Variants in PIBF1 observed in about 807,000 individuals in gnomAD.
PIBF1 encodes the protein progesterone immunomodulatory binding factor 1.
PIBF1 carries 90 observed loss-of-function variants against 112.5 expected under a neutral mutation model. The observed-to-expected ratio is 0.80, with a 90% CI of 0.67 to 0.95. The LOEUF is 0.95. Ranked by LOEUF, PIBF1 falls within the 40% of genes least tolerant of loss-of-function variation. PIBF1 has a pLI of 0.00. For missense variants in PIBF1, 915 were observed against 852.3 expected (o/e 1.07, Z -0.92); for synonymous variants, 301 against 288.6 (o/e 1.04, Z -0.44).
At chr13:72,830,133 G>T (rs1161870300) in intron 8 of PIBF1, among the ~76,000 whole-genome samples, 2 of 152,172 alleles carry the variant, frequency 1.3e-5, no homozygotes, top group African/African-American at 4.8e-5. Flanking sequence ...TTTGTATCCT[G>T]AGACTTTGCT....
intron 11 of PIBF1, among the ~76,000 whole-genome samples, chr13:72,901,710 A>G (rs2040492712): frequency 6.6e-6 from 1 of 151,698 alleles, no homozygotes. Flanking sequence ...ACCAACCAGT[A>G]GATGTTGGCA....
chr13:72,868,828 TAA>T (rs56290400), intron 10 of PIBF1, among the ~76,000 whole-genome samples: 58,762 of 114,398 alleles, frequency 0.51, 14,334 homozygotes, highest in South Asian at 0.69. Flanking sequence ...TCCCAAAAAG[TAA>T]AAAAAAAAAA....
chr13:72,798,438 T>G (rs2035305052), intron 5 of PIBF1, among the ~76,000 whole-genome samples: 1 of 152,224 alleles, frequency 6.6e-6, no homozygotes, highest in African/African-American at 2.4e-5. Context: ...ATGCAGGGGA[T>G]CTCTTGCAGG....
chr13:73,015,872 A>G lies in PIBF1; in HGVS notation c.2227A>G (p.Lys743Glu), dbSNP rs764979806. The G allele has an allele frequency of 5.7e-6, 9 of 1,572,778 alleles. No individual in the cohort carries two copies. The Admixed American group carries it at 7.2e-5, about 13-fold the overall frequency. The change falls in exon 18 of 18, where the codon AAA (lysine) becomes GAA (glutamate). Residue 743 changes from lysine to glutamate, a missense_variant. By Grantham distance (56) the Lys-to-Glu change is moderately conservative. Transcript: ENST00000326291. ...TTCTTTTTCTTTTTTTAAACAGACT[A>G]AAAAAGAAGCACCTGAGTGGTCTAA... ...IFTPKPTLFT[K>E]KEAPEWSKKQ...
chr13:72,827,725 G>A lies in PIBF1; in HGVS notation c.916-8G>A. ...CTGTGGATACTTTTTGTTTCTACATGTATGTAGGTAGTCACCTTAGAGCAA... is the reference window on the plus strand; with the variant it reads ...CTGTGGATACTTTTTGTTTCTACATATATGTAGGTAGTCACCTTAGAGCAA... On this transcript the variant is annotated splice_region_variant and splice_polypyrimidine_tract_variant and intron_variant, in intron 7 of 17. Transcript: ENST00000326291. 8.0e-6 allele frequency: 12 copies of A among 1,496,524 alleles called. No individual in the cohort carries two copies. Among genetic ancestry groups the A allele is most frequent in the Non-Finnish European group, 1.1e-5 (12 of 1,112,628 alleles). 92.7% of individuals were successfully genotyped at this position (1,496,524 alleles called of 1,614,324 possible). A position where few individuals can be genotyped will look rare whatever the true frequency, so the allele number is the denominator to read the frequency against.
At chr13:72,966,747 A>G (rs2042750645) in intron 15 of PIBF1, among the ~76,000 whole-genome samples, 1 of 151,932 alleles carries the variant, frequency 6.6e-6, no homozygotes, top group Admixed American at 6.6e-5. Context: ...TGTCTCGACT[A>G]CAAATACAAA....
intron 8 of PIBF1, among the ~76,000 whole-genome samples, chr13:72,832,540 G>A (rs1332615993): frequency 2.6e-5 from 4 of 152,136 alleles, no homozygotes; most frequent in Non-Finnish European, 5.9e-5. Flanking sequence ...AGTTTGGCTG[G>A]ATATGAAATT....
intron 6 of PIBF1, among the ~76,000 whole-genome samples, chr13:72,824,042 C>G (rs1323126932): frequency 6.6e-6 from 1 of 152,056 alleles, no homozygotes; most frequent in Non-Finnish European, 1.5e-5. Flanking sequence ...GAGACAGAGT[C>G]TCACTTTGTC....
rs528562718 is a variant in PIBF1, at chr13:72,790,792, A to G, written c.253-1655A>G. On this transcript the variant is annotated intron_variant, in intron 2 of 17. Coordinates refer to ENST00000326291, the MANE Select transcript of PIBF1 (RefSeq NM_006346.4). ...GTCAAATAAGATAAATAGGCAGAAA[A>G]AAACAATGCACAGGACATTATGGAC... Among the ~76,000 whole-genome samples the G allele has an allele frequency of 5.1e-4, 78 of 152,346 alleles. No homozygotes were observed. In the Middle Eastern group the frequency reaches 0.014, roughly 27 times the overall value.
intron 3 of PIBF1, 103 bp downstream of exon 3, chr13:72,792,650 T>C: frequency 4.9e-6 from 3 of 606,842 alleles, no homozygotes; most frequent in Non-Finnish European, 8.4e-6. Context: ...ATAGAGAAAT[T>C]TTAAGTCAGA....
At chr13:72,900,868 CAA>C (rs950473421) in intron 11 of PIBF1, among the ~76,000 whole-genome samples, 29 of 152,182 alleles carry the variant, frequency 1.9e-4, no homozygotes, top group Admixed American at 1.9e-3. Context: ...ACTAAAAAGA[CAA>C]AATTAGCCAG....
intron 2 of PIBF1, among the ~76,000 whole-genome samples, chr13:72,787,294 A>C (rs1366777349): frequency 6.6e-6 from 1 of 152,046 alleles, no homozygotes; most frequent in Non-Finnish European, 1.5e-5. Context: ...TTATGTCTTT[A>C]TTTTTGTCTT....
intron 10 of PIBF1, among the ~76,000 whole-genome samples, chr13:72,889,474 T>C (rs1421325067): frequency 6.6e-6 from 1 of 152,242 alleles, no homozygotes; most frequent in African/African-American, 2.4e-5. Context: ...TCCAGTATTC[T>C]TTCTTTATTG....
intron 10 of PIBF1, among the ~76,000 whole-genome samples, chr13:72,876,479 G>A (rs568204655): frequency 6.6e-6 from 1 of 152,080 alleles, no homozygotes; most frequent in Non-Finnish European, 1.5e-5. Flanking sequence ...ATAGATTGTT[G>A]GGATTTTGAT....
At chr13:72,785,373 T>G (rs1056137585) in intron 2 of PIBF1, among the ~76,000 whole-genome samples, 3 of 152,196 alleles carry the variant, frequency 2.0e-5, no homozygotes, top group African/African-American at 7.2e-5. Context: ...TTTCCAGCAC[T>G]TAGAACGGTG....
intron 8 of PIBF1, among the ~76,000 whole-genome samples, chr13:72,829,858 A>T (rs1274036622): frequency 6.6e-6 from 1 of 152,146 alleles, no homozygotes; most frequent in Non-Finnish European, 1.5e-5. Context: ...GAATGTATAA[A>T]TTACTTTGGG....
intron 13 of PIBF1, among the ~76,000 whole-genome samples, chr13:72,928,857 T>G (rs1278591254): frequency 6.6e-6 from 1 of 152,206 alleles, no homozygotes; most frequent in Non-Finnish European, 1.5e-5. Flanking sequence ...TCAAACCAAA[T>G]GAACAATTTA....
chr13:72,902,468 T>G (rs1164157652), intron 11 of PIBF1, among the ~76,000 whole-genome samples: 3 of 151,602 alleles, frequency 2.0e-5, no homozygotes, highest in Non-Finnish European at 4.4e-5. Flanking sequence ...AGTCTCTGCA[T>G]CAGTAGGCAA....
chr13:72,837,309 G>A lies in PIBF1; in HGVS notation c.1223+1941G>A, dbSNP rs115027391. On this transcript the variant is annotated intron_variant, in intron 9 of 17. Coordinates refer to ENST00000326291, the MANE Select transcript of PIBF1 (RefSeq NM_006346.4). The stretch of plus-strand genomic sequence containing the variant: ...GTTTATATTTTAATATTTGAGTATC[G>A]AATTACTAGTAGGAGCACCATAATC... 6.9e-3 allele frequency among the ~76,000 whole-genome samples: 1,054 copies of A among 151,980 alleles called. 15 individuals carry two copies. Among genetic ancestry groups the A allele is most frequent in the African/African-American group, 0.025 (1,018 of 41,504 alleles).
Sources: allele counts gnomAD v4.1 joint callset (sites outside exome capture counted in the v4.1 genomes callset), GRCh38; gene constraint gnomAD v4.1.1; transcripts MANE v1.5; gene names NCBI Gene and HGNC (gene_info 2026-07-23, HGNC 2026-07-21).